The following FAM53A variants were observed in gnomAD, a reference collection of about 807,000 sequenced individuals.
The protein encoded by FAM53A is protein FAM53A.
FAM53A carries 28 observed loss-of-function variants against 26.6 expected under a neutral mutation model. The observed-to-expected ratio is 1.05, with a 90% confidence interval of 0.78 to 1.45. FAM53A has a LOEUF of 1.45. FAM53A is among the 40% of genes most tolerant of loss of function. The pLI is 0.00. For missense variants in FAM53A, 650 were observed against 575.8 expected, an observed-to-expected ratio of 1.13 and a Z score of -1.32; for synonymous variants, 290 against 253.1, an observed-to-expected ratio of 1.15 and a Z score of -1.38.
At position 1,659,005 on chromosome 4, in the gene FAM53A, A is replaced by G. The variant is rs1204341515; in HGVS notation, c.76-1537T>C. 1.3e-5 allele frequency among the ~76,000 whole-genome samples: 2 copies of G among 152,244 alleles called. No homozygotes were observed. The highest frequency in any genetic ancestry group is 2.9e-5 in the Non-Finnish European group (2 of 68,030). ...TAAGCCCATGGCATCACGTCCTATG[A>G]TAACATTTCCAAACACGATAAAATT... On this transcript the variant is annotated intron_variant, in intron 2 of 4. Transcript: ENST00000308132. The surrounding 1 kb of genome is among the most constrained non-coding windows in gnomAD (Gnocchi z 5.2).
downstream of FAM53A, among the ~76,000 whole-genome samples, chr4:1,616,864 C>A (rs971149312): frequency 6.6e-6 from 1 of 152,222 alleles, no homozygotes; most frequent in Non-Finnish European, 1.5e-5. Context: ...GGGCTGGGCA[C>A]CGTGGCTCAT....
In FAM53A at chr4:1,640,903, G is replaced by C. The variant is rs1711627572; in HGVS notation, c.*390C>G. ...TGGGGCAGGTGCAGGCAGCAGCCATGGCCCCGACCAGCTCACAGGAAACCT... is the reference window on the plus strand; with the variant it reads ...TGGGGCAGGTGCAGGCAGCAGCCATCGCCCCGACCAGCTCACAGGAAACCT... On this transcript the variant is annotated 3_prime_UTR_variant, in exon 5 of 5. Coordinates refer to ENST00000308132, the MANE Select transcript of FAM53A (RefSeq NM_001174070.3). 7.2e-6 allele frequency: 3 copies of C among 416,354 alleles called. No individual in the cohort carries two copies. Among genetic ancestry groups the C allele is most frequent in the Non-Finnish European group, 1.4e-5 (3 of 219,706 alleles). The allele number at this position is 416,354 out of a possible 1,614,324, so 25.8% of individuals were successfully genotyped here. A position where few individuals can be genotyped will look rare whatever the true frequency, so the allele number is the denominator to read the frequency against.
At chr4:1,625,938 T>C (rs1186481338) in intron 1 of FAM53A, among the ~76,000 whole-genome samples, 1 of 152,214 alleles carries the variant, frequency 6.6e-6, no homozygotes, top group Non-Finnish European at 1.5e-5. Context: ...GGGTGGGATC[T>C]GGGCTTCCAA....
At chr4:1,584,123 TC>T in the FAM53A span, among the ~76,000 whole-genome samples, 1 of 152,384 alleles carries the variant, frequency 6.6e-6, no homozygotes, top group East Asian at 1.9e-4. Context: ...TATTCCTCTG[TC>T]GTCCATTCAT....
chr4:1,632,078 C>T (rs914996719), intron 1 of FAM53A, among the ~76,000 whole-genome samples: 4 of 150,644 alleles, frequency 2.7e-5, no homozygotes, highest in African/African-American at 9.8e-5. Flanking sequence ...GTAGGAGAAT[C>T]GCTTGAACCC....
chr4:1,651,186 T>C (rs951228929), intron 4 of FAM53A, among the ~76,000 whole-genome samples: 7 of 145,880 alleles, frequency 4.8e-5, no homozygotes, highest in African/African-American at 1.8e-4. Flanking sequence ...CATTGTTCCA[T>C]TGCTCACCAG....
chr4:1,646,443 G>A (rs983522096), intron 4 of FAM53A, among the ~76,000 whole-genome samples: 2 of 152,164 alleles, frequency 1.3e-5, no homozygotes, highest in African/African-American at 2.4e-5. Flanking sequence ...AAGTGACGTC[G>A]TCGGGGGTAT....
downstream of FAM53A, among the ~76,000 whole-genome samples, chr4:1,613,555 C>A (rs1387584735): frequency 1.3e-5 from 2 of 152,118 alleles, no homozygotes; most frequent in African/African-American, 4.8e-5. Context: ...GCAGGCACCA[C>A]GAGAGAAGAA....
At chr4:1,578,688 G>C in the FAM53A span, among the ~76,000 whole-genome samples, 1 of 148,644 alleles carries the variant, frequency 6.7e-6, no homozygotes, top group African/African-American at 2.5e-5. Context: ...TGCAGACAAC[G>C]AGGCTCGGAG....
chr4:1,680,381 T>C (rs1715352445), intron 1 of FAM53A, among the ~76,000 whole-genome samples: 1 of 139,592 alleles, frequency 7.2e-6, no homozygotes, highest in Non-Finnish European at 1.5e-5. Flanking sequence ...TACACACCAA[T>C]TAGAATGTCC....
chr4:1,602,902 A>C, the FAM53A span, among the ~76,000 whole-genome samples: 4 of 152,242 alleles, frequency 2.6e-5, no homozygotes, highest in African/African-American at 9.6e-5. Context: ...ACACCACTCC[A>C]GGACGCCCCC....
chr4:1,655,853 T>G (rs1358156329), intron 3 of FAM53A, 130 bp from the exon 4 acceptor site: 37 of 1,131,950 alleles, frequency 3.3e-5, no homozygotes, highest in Non-Finnish European at 4.3e-5. Context: ...CTGGGCGTGC[T>G]TCTCCAAGAT....
Position 1,654,740 on chromosome 4 carries a change from C to A in FAM53A, c.882+238G>T, listed in dbSNP as rs115064945. Among the ~76,000 whole-genome samples the A allele has an allele frequency of 6.5e-3, 983 of 152,312 alleles. 11 individuals carry two copies. The highest frequency in any genetic ancestry group is 0.022 in the African/African-American group (924 of 41,566). On this transcript the variant is annotated intron_variant, in intron 4 of 4. Coordinates refer to ENST00000308132, the MANE Select transcript of FAM53A (RefSeq NM_001174070.3). ...GCAAGCCTGGCCGGCCACCCTGGGC[C>A]GTGTGTGGGGCTCTGCCTCTGCGGG...
intron 3 of FAM53A, among the ~76,000 whole-genome samples, chr4:1,656,079 C>A (rs1713358510): frequency 6.6e-6 from 1 of 152,230 alleles, no homozygotes. Context: ...TGTGACCAGG[C>A]ATCTCAAGGA....
chr4:1,612,483 GCACA>G, the FAM53A span, among the ~76,000 whole-genome samples: 7 of 151,924 alleles, frequency 4.6e-5, no homozygotes, highest in Non-Finnish European at 1.0e-4. Flanking sequence ...AGGCATGCGC[GCACA>G]CACACACATG....
intron 2 of FAM53A, among the ~76,000 whole-genome samples, chr4:1,665,469 C>T (rs1714155279): frequency 6.8e-6 from 1 of 146,692 alleles, no homozygotes; most frequent in African/African-American, 2.5e-5. Flanking sequence ...GCCTCGGCAA[C>T]AGGGCAAGAC....
rs1162557654 is a variant in FAM53A at position 1,625,712 on chromosome 4, A to ACG, written c.432-7602_432-7601insCG. On this transcript the variant is annotated intron_variant, in intron 1 of 1. Coordinates refer to the FAM53A transcript ENST00000489029. ...ATCAGAAGGCCCTACGTACCAGCCC[A>ACG]TGTGGTCAGGGTCACGCCAGGTGAT... is the stretch of plus-strand genomic sequence containing the variant. 5.1e-3 allele frequency among the ~76,000 whole-genome samples: 672 copies of ACG among 132,616 alleles called. 28 individuals carry two copies. Among genetic ancestry groups the ACG allele is most frequent in the Middle Eastern group, 0.014 (3 of 216 alleles). 87.0% of individuals were successfully genotyped at this position (132,616 alleles called of 152,430 possible).
chr4:1,678,746 C>T (rs1088665), intron 1 of FAM53A, among the ~76,000 whole-genome samples: 39,760 of 151,640 alleles, frequency 0.26, 6,080 homozygotes, highest in Middle Eastern at 0.43. Context: ...CACTTGAACC[C>T]GGGAGGCAAA....
the FAM53A span, among the ~76,000 whole-genome samples, chr4:1,607,180 G>A: frequency 2.6e-5 from 4 of 152,176 alleles, no homozygotes; most frequent in Admixed American, 6.5e-5. Flanking sequence ...CACCACACCC[G>A]GCTGATTTTT....
Sources: allele counts gnomAD v4.1 joint callset (sites outside exome capture counted in the v4.1 genomes callset), GRCh38; gene constraint gnomAD v4.1.1; non-coding constraint Gnocchi (gnomAD v3.1); transcripts MANE v1.5; gene names NCBI Gene and HGNC (gene_info 2026-07-23, HGNC 2026-07-21).